IMPG1: variants seen among roughly 807,000 people sequenced by gnomAD.
IMPG1 encodes the protein interphotoreceptor matrix proteoglycan 1.
A neutral mutation model predicts 92.0 loss-of-function variants in IMPG1; 85 were observed. The ratio of observed to expected loss-of-function variants is 0.92; its 90% confidence interval spans 0.78 to 1.11. The LOEUF is 1.11. Ranked by LOEUF, IMPG1 falls within the 50% of genes least tolerant of loss-of-function variation. The probability of loss-of-function intolerance (pLI) is 0.00; values close to 1 mark genes in which losing one functional copy is unlikely to be tolerated. For synonymous variants in IMPG1, 367 were observed against 334.1 expected, an observed-to-expected ratio of 1.10 and a Z score of -1.08; for missense variants, 1,022 against 956.0, an observed-to-expected ratio of 1.07 and a Z score of -0.91.
intron 12 of IMPG1, among the ~76,000 whole-genome samples, chr6:75,984,757 T>C (rs1284753803): frequency 1.3e-5 from 2 of 152,218 alleles, no homozygotes; most frequent in African/African-American, 4.8e-5. Context: ...CCTTCACGAA[T>C]GGCTTAGTGC....
At chr6:76,007,119 A>G (rs1438406268) in intron 9 of IMPG1, among the ~76,000 whole-genome samples, 2 of 152,146 alleles carry the variant, frequency 1.3e-5, no homozygotes, top group African/African-American at 2.4e-5. Context: ...GGTTGATTCC[A>G]TGTATGTGTG....
chr6:76,005,274 A>G lies in IMPG1; in HGVS notation c.1135+13T>C, dbSNP rs771576474. 1.2e-6 allele frequency: 2 copies of G among 1,613,332 alleles called. No individual in the cohort carries two copies. Among genetic ancestry groups the G allele is most frequent in the South Asian group, 1.1e-5 (1 of 90,994 alleles). On this transcript the variant is annotated intron_variant, in intron 10 of 16. Transcript: ENST00000369950. ...ATGAGAATAAACTCAGAACTAAGCA[A>G]TCATTAACTGACCATCAGTGAACTG...
chr6:75,975,203 G>T (rs547210671), intron 12 of IMPG1, among the ~76,000 whole-genome samples: 2 of 152,326 alleles, frequency 1.3e-5, no homozygotes, highest in African/African-American at 4.8e-5. Flanking sequence ...TCACAGTGAA[G>T]GATCAGTCAG....
intron 1 of IMPG1, among the ~76,000 whole-genome samples, chr6:76,057,735 C>T (rs1308749320): frequency 3.9e-5 from 6 of 152,000 alleles, no homozygotes; most frequent in Non-Finnish European, 7.4e-5. Context: ...AACCACAATG[C>T]TAATGTTATG....
chr6:75,950,719 A>G lies in IMPG1; in HGVS notation c.1667T>C (p.Leu556Ser). ...CATAGAACTAGTGGTGATATACTGT[A>G]AAGCTGAGACAGGAGTGGTATCCTC... is the stretch of plus-strand genomic sequence containing the variant. The part of the protein sequence containing the change: ...FLEDTTPVSA[L>S]QYITTSSMTI... The change falls in exon 13 of 17, where the codon TTA becomes TCA. Residue 556 changes from leucine to serine, a missense_variant. Around this residue, in one of 3 missense-constraint regions of IMPG1, gnomAD observed 332 missense variants for 346.2 expected, o/e 0.96. Coordinates refer to ENST00000369950, the MANE Select transcript of IMPG1 (RefSeq NM_001563.4). The G allele has an allele frequency of 6.2e-7, 1 of 1,614,036 alleles. No homozygotes were observed. Among genetic ancestry groups the G allele is most frequent in the Non-Finnish European group, 8.5e-7 (1 of 1,179,928 alleles).
intron 12 of IMPG1, among the ~76,000 whole-genome samples, chr6:75,982,735 T>C (rs1274562684): frequency 6.6e-6 from 1 of 152,112 alleles, no homozygotes; most frequent in Non-Finnish European, 1.5e-5. Context: ...ACTTTTAATG[T>C]AACATTTTAA....
At chr6:75,976,618 A>G (rs1782538822) in intron 12 of IMPG1, among the ~76,000 whole-genome samples, 1 of 152,140 alleles carries the variant, frequency 6.6e-6, no homozygotes, top group South Asian at 2.1e-4. Flanking sequence ...CTGAGTGAAT[A>G]TTAGAATCCT....
rs183795664 is a variant in IMPG1 at position 76,044,334 on chromosome 6, G to T, written c.68-2208C>A. Reference sequence around the variant, plus strand: ...ATTTGAATTGCCATTTAGAATGGAAGAAAAAGCTGCCTCATTGGGTACTTC... The same window carrying T: ...ATTTGAATTGCCATTTAGAATGGAATAAAAAGCTGCCTCATTGGGTACTTC... On this transcript the variant is annotated intron_variant, in intron 1 of 16. Coordinates refer to ENST00000369950, the MANE Select transcript of IMPG1 (RefSeq NM_001563.4). Among the ~76,000 whole-genome samples, 306 of 152,304 alleles carry T rather than the reference G, an allele frequency of 2.0e-3. 2 individuals are homozygous for T. Among genetic ancestry groups the T allele is most frequent in the Admixed American group, 3.9e-3 (60 of 15,304 alleles).
chr6:75,984,769 A>G (rs536460160), intron 12 of IMPG1, among the ~76,000 whole-genome samples: 2 of 152,310 alleles, frequency 1.3e-5, no homozygotes, highest in East Asian at 3.9e-4. Flanking sequence ...GCTTAGTGCC[A>G]TCCCCTTGGC....
At chr6:76,025,900 T>G (rs1182478616) in intron 4 of IMPG1, among the ~76,000 whole-genome samples, 1 of 152,146 alleles carries the variant, frequency 6.6e-6, no homozygotes, top group Non-Finnish European at 1.5e-5. Context: ...GTGTATAATA[T>G]TGGCCCATTC....
Position 75,950,863 on chromosome 6 carries a change from G to C in IMPG1, c.1523C>G (p.Ser508Ter), listed in dbSNP as rs1317184290. 1 of 1,613,930 alleles carries C rather than the reference G, an allele frequency of 6.2e-7. No homozygotes were observed. Among genetic ancestry groups the C allele is most frequent in the Admixed American group, 1.7e-5 (1 of 59,946 alleles). The change falls in exon 13 of 17, where the codon TCA (serine) becomes TGA (stop). Residue 508 changes from serine (S) to a stop codon, truncating the protein, a stop_gained. Coordinates refer to ENST00000369950, the MANE Select transcript of IMPG1 (RefSeq NM_001563.4). LOFTEE classifies it high-confidence loss of function. ...HPPASSDDSRSSAGGEDMVRH... is the reference protein window; with the variant it reads ...HPPASSDDSR ...GACCATATCTTCGCCACCTGCACTT[G>C]ATCGGCTGTCATCTGAAGATGCAGG...
intron 12 of IMPG1, among the ~76,000 whole-genome samples, chr6:75,974,412 CCTTCCTTCCTTCCTTG>C (rs1782496095): frequency 2.4e-5 from 3 of 125,902 alleles, no homozygotes; most frequent in Admixed American, 8.7e-5. Flanking sequence ...TTCCTTCCTT[CCTTCCTTCCTTCCTTG>C]CTTCCTTCCT....
chr6:76,071,556 TCA>T (rs1488956977), intron 1 of IMPG1, among the ~76,000 whole-genome samples: 1 of 152,022 alleles, frequency 6.6e-6, no homozygotes, highest in Non-Finnish European at 1.5e-5. Flanking sequence ...ACTGATGGAA[TCA>T]CAGTTATTTT....
rs760024120 is a variant in IMPG1 at position 75,950,850 on chromosome 6, G to A, written c.1536C>T (p.Gly512=). The change falls in exon 13 of 17, where the codon GGC becomes GGT. Residue 512 remains glycine, a synonymous_variant. Transcript: ENST00000369950. ...SSDDSRSSAG[G]EDMVRHLDEM... ...CATCTAGGTGTCTGACCATATCTTC[G>A]CCACCTGCACTTGATCGGCTGTCAT... 13 of 1,613,708 alleles carry A rather than the reference G, an allele frequency of 8.1e-6. No homozygotes were observed. In the Middle Eastern group the frequency reaches 4.9e-4, roughly 61 times the overall value.
chr6:75,940,165 C>T (rs1389804088), intron 14 of IMPG1, among the ~76,000 whole-genome samples: 2 of 152,166 alleles, frequency 1.3e-5, no homozygotes, highest in African/African-American at 4.8e-5. Flanking sequence ...GTTCCATTCA[C>T]AGCTCTTCCT....
chr6:76,053,069 C>G (rs943343020), intron 1 of IMPG1, among the ~76,000 whole-genome samples: 1 of 152,196 alleles, frequency 6.6e-6, no homozygotes, highest in African/African-American at 2.4e-5. Context: ...ATCATCTCAT[C>G]TTTACATTAA....
intron 12 of IMPG1, among the ~76,000 whole-genome samples, chr6:75,983,582 G>T (rs1241235164): frequency 6.6e-6 from 1 of 152,004 alleles, no homozygotes; most frequent in African/African-American, 2.4e-5. Context: ...AACTCAAAAT[G>T]GATTAAAGAC....
intron 12 of IMPG1, among the ~76,000 whole-genome samples, chr6:75,983,234 A>G (rs1052612197): frequency 6.6e-6 from 1 of 152,014 alleles, no homozygotes; most frequent in East Asian, 1.9e-4. Flanking sequence ...AAGCAATCCT[A>G]TAGCAACTTT....
intron 12 of IMPG1, among the ~76,000 whole-genome samples, chr6:75,998,547 G>A (rs1317297174): frequency 6.6e-6 from 1 of 152,212 alleles, no homozygotes; most frequent in African/African-American, 2.4e-5. Flanking sequence ...TCTGCTTAAA[G>A]TTTGCTTCTT....
Sources: gnomAD v4.1 joint callset for allele counts (sites outside exome capture counted in the v4.1 genomes callset) on GRCh38, gnomAD v4.1.1 for gene constraint, gnomAD v4.1.1 regional missense constraint, MANE v1.5 for transcripts, NCBI Gene and HGNC (gene_info 2026-07-23, HGNC 2026-07-21) for gene names.